Variants in PRKCH observed in about 807,000 individuals in gnomAD.
PRKCH encodes protein kinase C eta type.
Under a neutral mutation model 82.5 loss-of-function variants are expected in PRKCH, and 28 were observed. That is an observed-to-expected ratio of 0.34 (90% CI 0.25 to 0.47). PRKCH has a LOEUF of 0.47. PRKCH is among the 20% of genes least tolerant of loss of function. The pLI is 1.00. For synonymous variants in PRKCH, 322 were observed against 327.4 expected (o/e 0.98, Z 0.18); for missense variants, 705 against 881.8 (o/e 0.80, Z 2.54).
At chr14:61,292,494 G>T (rs2140099273) in intron 1 of PRKCH, among the ~76,000 whole-genome samples, 1 of 151,872 alleles carries the variant, frequency 6.6e-6, no homozygotes, top group East Asian at 1.9e-4. Context: ...GACAAAACAA[G>T]CTGGGTGCAG....
chr14:61,431,808 C>G (rs1020217103), intron 2 of PRKCH, among the ~76,000 whole-genome samples: 1 of 152,120 alleles, frequency 6.6e-6, no homozygotes, highest in Non-Finnish European at 1.5e-5. Flanking sequence ...TCTAGCAATT[C>G]TTTCTTTTAC....
chr14:61,271,198 C>T (rs545120442), intron 1 of PRKCH, among the ~76,000 whole-genome samples: 6 of 152,228 alleles, frequency 3.9e-5, no homozygotes, highest in East Asian at 3.9e-4. Flanking sequence ...CCCTCCCTGC[C>T]GCCATTCACC....
rs555718214 is a variant in PRKCH at position 61,490,943 on chromosome 14, A to T, written c.1433+5287A>T. Among the ~76,000 whole-genome samples the T allele has an allele frequency of 3.9e-5, 6 of 152,154 alleles. No individual in the cohort carries two copies. The East Asian group carries it at 1.2e-3, about 29-fold the overall frequency. ...AAAAAAACAAAAACAAACAAAAAAA[A>T]ATGGTGTCTTGGGCCAGTGATGGAT... On this transcript the variant is annotated intron_variant, in intron 10 of 13. Coordinates refer to ENST00000332981, the MANE Select transcript of PRKCH (RefSeq NM_006255.5).
rs149693324 is a variant in PRKCH at position 61,349,626 on chromosome 14, G to A, written c.363+27162G>A. Among the ~76,000 whole-genome samples the A allele has an allele frequency of 8.0e-3, 1,222 of 152,260 alleles. 18 individuals are homozygous for A. The highest frequency in any genetic ancestry group is 0.027 in the African/African-American group (1,127 of 41,528). On this transcript the variant is annotated intron_variant, in intron 1 of 13. Transcript: ENST00000332981. Reference sequence around the variant, plus strand: ...ACCTGTAATCCCAGAACTTTGGGAGGCCGAGGTGGGTGGATTACAAGGTCA... The same window carrying A: ...ACCTGTAATCCCAGAACTTTGGGAGACCGAGGTGGGTGGATTACAAGGTCA...
chr14:61,538,616 A>C (rs1458404060), intron 12 of PRKCH, among the ~76,000 whole-genome samples: 1 of 152,242 alleles, frequency 6.6e-6, no homozygotes, highest in Non-Finnish European at 1.5e-5. Flanking sequence ...CAGGAAGATA[A>C]AGATGTCAAA....
chr14:61,281,105 T>C, intron 1 of PRKCH: 3 of 1,464,928 alleles, frequency 2.0e-6, no homozygotes, highest in Non-Finnish European at 2.7e-6. Flanking sequence ...AAGGCGGTGT[T>C]GTCGGGCTGG....
At chr14:61,508,234 A>T (rs2139967289) in intron 10 of PRKCH, among the ~76,000 whole-genome samples, 1 of 152,280 alleles carries the variant, frequency 6.6e-6, no homozygotes, top group Non-Finnish European at 1.5e-5. Context: ...AATGCCCATG[A>T]TTGCTGATTT....
chr14:61,227,254 G>A (rs1453533094), intron 1 of PRKCH, among the ~76,000 whole-genome samples: 2 of 152,166 alleles, frequency 1.3e-5, no homozygotes, highest in Non-Finnish European at 2.9e-5. Flanking sequence ...TGTTTTTCCT[G>A]CATTGGTACA....
chr14:61,397,866 T>A lies in PRKCH; in HGVS notation c.427+6578T>A, dbSNP rs555097705. Among the ~76,000 whole-genome samples, 7 of 152,306 alleles carry A rather than the reference T, an allele frequency of 4.6e-5. 1 individual carries two copies. Among genetic ancestry groups the A allele is most frequent in the African/African-American group, 1.7e-4 (7 of 41,570 alleles). On this transcript the variant is annotated intron_variant, in intron 2 of 13. Coordinates refer to ENST00000332981, the MANE Select transcript of PRKCH (RefSeq NM_006255.5). Reference sequence around the variant, plus strand: ...CTAATGCGGGGGTAAAAAGAACAGATGAACCTACTCAAAACCTGCAGTGAG... The same window carrying A: ...CTAATGCGGGGGTAAAAAGAACAGAAGAACCTACTCAAAACCTGCAGTGAG...
chr14:61,398,769 T>G lies in PRKCH; in HGVS notation c.427+7481T>G, dbSNP rs145001652. On this transcript the variant is annotated intron_variant, in intron 2 of 13. Coordinates refer to ENST00000332981, the MANE Select transcript of PRKCH (RefSeq NM_006255.5). ...CAGCAAAATCCAGACTGTGGAAAAATTTTACAGGAAAAGAGACTTGGTTTC... is the reference window on the plus strand; with the variant it reads ...CAGCAAAATCCAGACTGTGGAAAAAGTTTACAGGAAAAGAGACTTGGTTTC... 6.6e-3 allele frequency among the ~76,000 whole-genome samples: 1,000 copies of G among 151,496 alleles called. 14 individuals are homozygous for G. Among genetic ancestry groups the G allele is most frequent in the African/African-American group, 0.023 (943 of 41,112 alleles).
chr14:61,264,159 G>A (rs1227870172), intron 1 of PRKCH, among the ~76,000 whole-genome samples: 3 of 152,112 alleles, frequency 2.0e-5, no homozygotes, highest in Admixed American at 6.5e-5. Flanking sequence ...TGGAGTGCCT[G>A]CTGCTAGCAG....
rs780438896 is a variant in PRKCH, at chr14:61,485,704, C to G, written c.1433+48C>G. 5 of 1,573,566 alleles carry G rather than the reference C, an allele frequency of 3.2e-6. No individual in the cohort carries two copies. The African/African-American group carries it at 6.8e-5, about 21-fold the overall frequency. On this transcript the variant is annotated intron_variant, in intron 10 of 13. Transcript: ENST00000332981. ...TCTTCTAATTCACTGCCTCTTCCCT[C>G]TCCTGGTATGATCCATCCTTCCACT...
At chr14:61,530,954 G>A (rs2140008774) in intron 12 of PRKCH, among the ~76,000 whole-genome samples, 1 of 152,286 alleles carries the variant, frequency 6.6e-6, no homozygotes, top group South Asian at 2.1e-4. Context: ...GCCATTCCCA[G>A]CCTGTTATTA....
At chr14:61,373,136 G>T (rs1050875751) in intron 1 of PRKCH, among the ~76,000 whole-genome samples, 7 of 151,942 alleles carry the variant, frequency 4.6e-5, no homozygotes, top group Non-Finnish European at 1.5e-5. Flanking sequence ...TGTGAATCTG[G>T]TTCCCAAGAA....
chr14:61,434,876 A>G (rs528789118), intron 2 of PRKCH, among the ~76,000 whole-genome samples: 1 of 152,302 alleles, frequency 6.6e-6, no homozygotes, highest in African/African-American at 2.4e-5. Context: ...AGATTTTTTA[A>G]AAGCATATAT....
chr14:61,383,309 C>G (rs776672357), intron 1 of PRKCH, among the ~76,000 whole-genome samples: 3 of 152,022 alleles, frequency 2.0e-5, no homozygotes, highest in Non-Finnish European at 4.4e-5. Context: ...TTATTTAGCT[C>G]TTAGATCAAC....
At chr14:61,294,001 T>C (rs2045385389) in intron 1 of PRKCH, among the ~76,000 whole-genome samples, 1 of 152,368 alleles carries the variant, frequency 6.6e-6, no homozygotes, top group South Asian at 2.1e-4. Flanking sequence ...TGTTTGTTGA[T>C]GCCTGACAGT....
intron 1 of PRKCH, among the ~76,000 whole-genome samples, chr14:61,266,487 C>G (rs2045102431): frequency 6.6e-6 from 1 of 151,978 alleles, no homozygotes; most frequent in Non-Finnish European, 1.5e-5. Flanking sequence ...TGATAAATAG[C>G]CCCTGAAGCT....
At chr14:61,411,534 A>G (rs999772500) in intron 2 of PRKCH, among the ~76,000 whole-genome samples, 1 of 152,258 alleles carries the variant, frequency 6.6e-6, no homozygotes, top group Non-Finnish European at 1.5e-5. Context: ...AAGACACTGG[A>G]TACATCAGAC....
Sources: gnomAD v4.1 joint callset for allele counts (sites outside exome capture counted in the v4.1 genomes callset) on GRCh38, gnomAD v4.1.1 for gene constraint, MANE v1.5 for transcripts, NCBI Gene and HGNC (gene_info 2026-07-23, HGNC 2026-07-21) for gene names.